The following NFXL1 variants were observed in gnomAD, a reference collection of about 807,000 sequenced individuals.
NFXL1 encodes nuclear transcription factor, X-box binding like 1, also known as NF-X1-type zinc finger protein NFXL1.
NFXL1 carries 66 observed loss-of-function variants against 123.3 expected under a neutral mutation model. The ratio of observed to expected loss-of-function variants is 0.54; its 90% CI spans 0.44 to 0.66. The LOEUF is 0.66. NFXL1 is among the 30% of genes least tolerant of loss of function. The pLI, the probability that NFXL1 is intolerant of heterozygous loss-of-function variation, is 0.00. For synonymous variants in NFXL1, 346 were observed against 360.8 expected (o/e 0.96, Z 0.46); for missense variants, 944 against 1,125.6 (o/e 0.84, Z 2.31).
intron 5 of NFXL1, among the ~76,000 whole-genome samples, chr4:47,902,762 A>G (rs1393567349): frequency 6.6e-6 from 1 of 152,260 alleles, no homozygotes; most frequent in Non-Finnish European, 1.5e-5. Context: ...TCAAGATTCC[A>G]CATCTTCACA....
At chr4:47,883,841 TA>T (rs1434513244) in intron 15 of NFXL1, among the ~76,000 whole-genome samples, 5 of 152,328 alleles carry the variant, frequency 3.3e-5, no homozygotes, top group Admixed American at 2.6e-4. Context: ...GCTGGAAGTA[TA>T]AAAAATTCCA....
At chr4:47,888,423 C>A (rs1252616853) in intron 12 of NFXL1, among the ~76,000 whole-genome samples, 1 of 152,178 alleles carries the variant, frequency 6.6e-6, no homozygotes, top group African/African-American at 2.4e-5. Context: ...ATTCCACATT[C>A]TTTTATAACT....
At chr4:47,855,601 G>A (rs916384151) in intron 19 of NFXL1, among the ~76,000 whole-genome samples, 4 of 151,848 alleles carry the variant, frequency 2.6e-5, no homozygotes, top group East Asian at 3.9e-4. Flanking sequence ...GAGCAGAGCT[G>A]CCAGCTGACT....
In NFXL1 at chr4:47,851,250, T is replaced by G. The variant is rs1734101873; in HGVS notation, c.2509-102A>C. ...AGGTTCTATTAACCCATATCAACTT[T>G]TAGGAGCTTGAAATCATTTAAAGAA... On this transcript the variant is annotated intron_variant, in intron 21 of 22. Transcript: ENST00000507489. 2.6e-5 allele frequency: 20 copies of G among 775,116 alleles called. No individual in the cohort carries two copies. In the South Asian group the frequency reaches 3.0e-4, roughly 12 times the overall value. 48.0% of individuals were successfully genotyped at this position (775,116 alleles called of 1,614,324 possible). A position where few individuals can be genotyped will look rare whatever the true frequency, so the allele number is the denominator to read the frequency against.
intron 19 of NFXL1, among the ~76,000 whole-genome samples, chr4:47,855,792 A>G (rs990088358): frequency 1.3e-5 from 2 of 152,162 alleles, no homozygotes; most frequent in Non-Finnish European, 2.9e-5. Flanking sequence ...TAGGTAGCCA[A>G]AACAACTCAG....
chr4:47,893,564 G>T lies in NFXL1; in HGVS notation c.1452+616C>A, dbSNP rs76205604. 6.4e-4 allele frequency among the ~76,000 whole-genome samples: 98 copies of T among 152,102 alleles called. 1 individual carries two copies. The East Asian group carries it at 0.017, about 26-fold the overall frequency. ...TAGAGCAATACCTTTTAAGTATGGG[G>T]GTTAAAAACTGCCAAACTAGAACTC... On this transcript the variant is annotated intron_variant, in intron 11 of 22. Transcript: ENST00000507489.
In NFXL1 at chr4:47,884,455, A is replaced by C. The variant is rs768114231; in HGVS notation, c.1825-18T>G. On this transcript the variant is annotated intron_variant, in intron 14 of 22. Transcript: ENST00000507489. ...GGCTGGTGCTACAAATAAAATACAT[A>C]AGAATTTTAAGTCAGAGGGATTAAA... 4.8e-6 allele frequency: 7 copies of C among 1,469,152 alleles called. No individual in the cohort carries two copies. In the Admixed American group the frequency reaches 7.3e-5, roughly 15 times the overall value. 91.0% of individuals were successfully genotyped at this position (1,469,152 alleles called of 1,614,324 possible).
At chr4:47,851,651 A>G (rs565499926) in intron 21 of NFXL1, among the ~76,000 whole-genome samples, 12 of 152,248 alleles carry the variant, frequency 7.9e-5, no homozygotes, top group African/African-American at 2.4e-4. Flanking sequence ...TCAAAATCTT[A>G]TAACGGGCAT....
At chr4:47,913,440 C>T (rs1737942911) in intron 2 of NFXL1, among the ~76,000 whole-genome samples, 1 of 152,088 alleles carries the variant, frequency 6.6e-6, no homozygotes, top group Non-Finnish European at 1.5e-5. Context: ...GAAACAAAGG[C>T]AAAGGTAAAG....
At position 47,851,127 on chromosome 4, in the gene NFXL1, C is replaced by T. The variant is rs1219122348; in HGVS notation, c.2530G>A (p.Ala844Thr). 2.2e-5 allele frequency: 35 copies of T among 1,611,794 alleles called. No individual in the cohort carries two copies. The highest frequency in any genetic ancestry group is 2.8e-5 in the Non-Finnish European group (33 of 1,178,230). The change falls in exon 22 of 23, where the codon GCT becomes ACT. Residue 844 changes from alanine (A) to threonine (T), a missense_variant. Around this residue, in one of 4 missense-constraint regions of NFXL1, gnomAD observed 301 missense variants for 348.0 expected, o/e 0.86. Coordinates refer to ENST00000507489, the MANE Select transcript of NFXL1 (RefSeq NM_001278624.2). The stretch of plus-strand genomic sequence containing the variant: ...CTTCGTTTTTCTTCTTCAAGAGCAG[C>T]TTTGGCTTCTGCTTCTTTTATCTGT... ...ASEIKEAEAK[A>T]ALEEEKRRQQ...
chr4:47,913,497 G>C (rs751121233), intron 2 of NFXL1, among the ~76,000 whole-genome samples: 1 of 152,192 alleles, frequency 6.6e-6, no homozygotes, highest in Admixed American at 6.5e-5. Context: ...ATGTGAGATG[G>C]AATGCCCAAG....
Position 47,899,363 on chromosome 4 carries a change from A to G in NFXL1, c.826+7T>C. 1.2e-6 allele frequency: 2 copies of G among 1,604,986 alleles called. No homozygotes were observed. Among genetic ancestry groups the G allele is most frequent in the Non-Finnish European group, 1.7e-6 (2 of 1,172,136 alleles). ...ACAAACAATTTAAAATGCAATATAT[A>G]ACTCACCTGGATGACAGAGGAGTAA... On this transcript the variant is annotated splice_region_variant and intron_variant, in intron 6 of 22. Coordinates refer to ENST00000507489, the MANE Select transcript of NFXL1 (RefSeq NM_001278624.2).
chr4:47,884,998 G>A (rs1736338112), intron 14 of NFXL1, among the ~76,000 whole-genome samples: 1 of 151,660 alleles, frequency 6.6e-6, no homozygotes, highest in East Asian at 1.9e-4. Flanking sequence ...ATGGTAGCAG[G>A]CACCTATAAT....
intron 12 of NFXL1, among the ~76,000 whole-genome samples, chr4:47,889,008 G>C (rs1736615439): frequency 6.6e-6 from 1 of 152,264 alleles, no homozygotes; most frequent in Non-Finnish European, 1.5e-5. Context: ...AAAAATATGA[G>C]ACAGGGAAAT....
intron 20 of NFXL1, among the ~76,000 whole-genome samples, chr4:47,854,430 T>C (rs1055742598): frequency 2.0e-5 from 3 of 152,102 alleles, no homozygotes; most frequent in Non-Finnish European, 2.9e-5. Context: ...AGAAAAAGAC[T>C]ATTAGGACAG....
chr4:47,896,372 C>T, intron 10 of NFXL1, 151 bp downstream of exon 10: 1 of 559,984 alleles, frequency 1.8e-6, no homozygotes, highest in Non-Finnish European at 3.1e-6. Flanking sequence ...TATTCTCCTG[C>T]TTCTTATCCT....
intron 19 of NFXL1, 123 bp from the exon 20 acceptor site, chr4:47,855,286 G>A (rs2110030958): frequency 4.8e-6 from 2 of 418,482 alleles, no homozygotes; most frequent in South Asian, 4.7e-5. Context: ...CTAGCTAATG[G>A]GATAATTTGT....
intron 10 of NFXL1, among the ~76,000 whole-genome samples, chr4:47,894,559 T>A (rs1736967719): frequency 1.1e-5 from 1 of 92,030 alleles, no homozygotes; most frequent in Non-Finnish European, 2.4e-5. Context: ...AAAAATCACA[T>A]AATAAAACCA....
At chr4:47,890,460 C>A (rs1358606740) in intron 12 of NFXL1, among the ~76,000 whole-genome samples, 153 bp downstream of exon 12, 1 of 151,780 alleles carries the variant, frequency 6.6e-6, no homozygotes, top group Non-Finnish European at 1.5e-5. Context: ...GAGACACTGG[C>A]AAACTGCCTT....
Sources: gnomAD v4.1 joint callset for allele counts (sites outside exome capture counted in the v4.1 genomes callset) on GRCh38, gnomAD v4.1.1 for gene constraint, gnomAD v4.1.1 regional missense constraint, MANE v1.5 for transcripts, NCBI Gene and HGNC (gene_info 2026-07-23, HGNC 2026-07-21) for gene names.